Variants in ZNF550 observed in about 807,000 individuals in gnomAD.
ZNF550 encodes zinc finger protein 550.
A neutral mutation model predicts 40.2 loss-of-function variants in ZNF550; 42 were observed. The observed-to-expected ratio is 1.05, with a 90% CI of 0.82 to 1.35. The LOEUF (loss-of-function observed/expected upper bound fraction) is 1.35. Among genes scored for constraint, ZNF550 ranks in the 40% most tolerant of loss-of-function variants. The probability of loss-of-function intolerance (pLI) is 0.00; values close to 1 mark genes in which losing one functional copy is unlikely to be tolerated. For synonymous variants in ZNF550, 223 were observed against 198.6 expected (o/e 1.12, Z -1.03); for missense variants, 549 against 525.2 (o/e 1.05, Z -0.44).
exon 5 of ZNF550, chr19:57,543,151 G>A (rs2089976439): frequency 6.8e-6 from 5 of 732,356 alleles, no homozygotes; most frequent in Non-Finnish European, 6.7e-6. Flanking sequence ...TTTCCTTCTT[G>A]CTTCTTTCAT....
At chr19:57,545,537 GACA>G (rs1029059670) in intron 4 of ZNF550, among the ~76,000 whole-genome samples, 3 of 152,112 alleles carry the variant, frequency 2.0e-5, no homozygotes, top group African/African-American at 7.2e-5. Flanking sequence ...AGAAAATAAA[GACA>G]ACAAACAGAC....
intron 4 of ZNF550, among the ~76,000 whole-genome samples, chr19:57,545,128 C>A (rs1287775589): frequency 6.6e-6 from 1 of 152,130 alleles, no homozygotes; most frequent in Admixed American, 6.6e-5. Flanking sequence ...TCTCAAAACA[C>A]AACAAAACTA....
chr19:57,550,571 A>G (rs1471646945), intron 3 of ZNF550, among the ~76,000 whole-genome samples: 1 of 152,224 alleles, frequency 6.6e-6, no homozygotes, highest in Non-Finnish European at 1.5e-5. Flanking sequence ...GGCTCCAATT[A>G]TGCCCATTCA....
upstream of ZNF550, among the ~76,000 whole-genome samples, chr19:57,560,719 G>A (rs1402363027): frequency 6.6e-6 from 1 of 152,136 alleles, no homozygotes; most frequent in Admixed American, 6.6e-5. Context: ...AAATGTGGGC[G>A]TGCTTGGATT....
At chr19:57,557,874 A>C (rs2090136425) in intron 1 of ZNF550, among the ~76,000 whole-genome samples, 1 of 152,242 alleles carries the variant, frequency 6.6e-6, no homozygotes, top group Non-Finnish European at 1.5e-5. Flanking sequence ...CAACACAATA[A>C]CTATTCCCAT....
intron 2 of ZNF550, chr19:57,553,320 A>G (rs1320024789): frequency 1.3e-5 from 2 of 152,286 alleles, no homozygotes; most frequent in Non-Finnish European, 2.9e-5. Context: ...CCCACTGCCC[A>G]TGACCTCCGT....
At position 57,547,418 on chromosome 19, in the gene ZNF550, G is replaced by A. The variant is rs1241524012; in HGVS notation, c.826C>T (p.Gln276Ter). The A allele has an allele frequency of 5.0e-6, 8 of 1,613,868 alleles. No homozygotes were observed. Among genetic ancestry groups the A allele is most frequent in the Middle Eastern group, 1.6e-4 (1 of 6,062 alleles). ...TCTCCAGTGTGGATTGGATGGTGCT[G>A]CATGAGGTACGACCTGCGTTTGAAG... The change falls in exon 4 of 5, where the codon CAG becomes TAG. Residue 276 changes from glutamine to a stop codon, truncating the protein, a stop_gained. Coordinates refer to ENST00000457177, the Ensembl canonical transcript of ZNF550. LOFTEE classifies it high-confidence loss of function.
At chr19:57,547,979 C>A in exon 4 of ZNF550, 4 of 1,613,004 alleles carry the variant, frequency 2.5e-6, no homozygotes, top group Non-Finnish European at 3.4e-6. Context: ...CTGGTATGAA[C>A]TTGTGCTCTG....
exon 4 of ZNF550, chr19:57,547,076 A>T (rs1215319535): frequency 6.2e-7 from 1 of 1,613,324 alleles, no homozygotes; most frequent in African/African-American, 1.3e-5. Context: ...TGGATGACAG[A>T]GTGCTGAATG....
In ZNF550 at chr19:57,547,552, T is replaced by G. The variant is rs753235641; in HGVS notation, c.692A>C (p.Tyr231Ser). 5 of 1,614,212 alleles carry G rather than the reference T, an allele frequency of 3.1e-6. No individual in the cohort carries two copies. The Admixed American group carries it at 8.3e-5, about 27-fold the overall frequency. The change falls in exon 4 of 5, where the codon TAT becomes TCT. Residue 231 changes from tyrosine to serine, a missense_variant. By Grantham distance (144) the Tyr-to-Ser change is moderately radical. Coordinates refer to ENST00000457177, the Ensembl canonical transcript of ZNF550. ...GGCTTTCCCACATGCATTGCATTCA[T>G]AGGGTTTCATTCCAGTGTGAACCCT...
chr19:57,556,283 C>T (rs2123368364), exon 2 of ZNF550: 1 of 1,614,150 alleles, frequency 6.2e-7, no homozygotes, highest in East Asian at 2.2e-5. Flanking sequence ...GGTACAGGGT[C>T]CTCTGGGCCA....
At chr19:57,560,288 C>G (rs1055864893), upstream of ZNF550, among the ~76,000 whole-genome samples, 2 of 152,192 alleles carry the variant, frequency 1.3e-5, no homozygotes, top group Non-Finnish European at 2.9e-5. Flanking sequence ...TGGACCCCCG[C>G]TTCCCGCGTG....
chr19:57,547,760 A>G (rs376641597), exon 4 of ZNF550: 2 of 1,614,048 alleles, frequency 1.2e-6, no homozygotes, highest in East Asian at 2.2e-5. Context: ...TCTGTCCCCA[A>G]ACCTTCACCT....
At chr19:57,546,085 T>C (rs2090006407) in intron 4 of ZNF550, among the ~76,000 whole-genome samples, 2 of 152,130 alleles carry the variant, frequency 1.3e-5, no homozygotes, top group African/African-American at 4.8e-5. Context: ...TTTAATGTGG[T>C]GCACATTTTA....
intron 3 of ZNF550, among the ~76,000 whole-genome samples, chr19:57,551,999 T>A (rs1387519691): frequency 1.3e-5 from 2 of 152,120 alleles, no homozygotes; most frequent in Admixed American, 1.3e-4. Flanking sequence ...GGGAGGAAAG[T>A]CCCCTTTCTC....
intron 3 of ZNF550, among the ~76,000 whole-genome samples, chr19:57,551,277 G>A (rs968937741): frequency 6.6e-6 from 1 of 152,158 alleles, no homozygotes; most frequent in East Asian, 1.9e-4. Context: ...ATCAGCTGCT[G>A]GGGAAGTGGT....
intron 4 of ZNF550, chr19:57,544,617 C>T (rs2089992051): frequency 1.0e-6 from 1 of 984,998 alleles, no homozygotes; most frequent in Admixed American, 6.2e-5. Context: ...TCTTAACTCA[C>T]CAAGAATTCT....
intron 2 of ZNF550, 125 bp from the exon 3 acceptor site, chr19:57,552,847 G>A (rs1033818253): frequency 7.7e-6 from 5 of 647,822 alleles, no homozygotes; most frequent in Non-Finnish European, 1.3e-5. Flanking sequence ...TAAGCAAAAT[G>A]CTGATGTGAG....
chr19:57,547,522 C>A (rs776654416), exon 4 of ZNF550: 1 of 1,613,956 alleles, frequency 6.2e-7, no homozygotes, highest in Non-Finnish European at 8.5e-7. Context: ...TGAGCTCTGG[C>A]TAAAGGCTTT....
Sources: allele counts gnomAD v4.1 joint callset (sites outside exome capture counted in the v4.1 genomes callset), GRCh38; gene constraint gnomAD v4.1.1; transcripts MANE v1.5; gene names NCBI Gene and HGNC (gene_info 2026-07-23, HGNC 2026-07-21).